The following EMP2 variants were observed in gnomAD, a reference collection of about 807,000 sequenced individuals.
The protein encoded by EMP2 is epithelial membrane protein 2.
A neutral mutation model predicts 13.7 loss-of-function variants in EMP2; 19 were observed. The observed-to-expected ratio is 1.38, with a 90% CI of 0.97 to 2.03. The LOEUF is 2.03. Among genes scored for constraint, EMP2 ranks in the 30% most tolerant of loss-of-function variants. The pLI is 0.00. For missense variants in EMP2, 253 were observed against 220.7 expected (o/e 1.15, Z -0.93); for synonymous variants, 97 against 84.7 (o/e 1.15, Z -0.80).
At position 10,551,860 on chromosome 16, in the gene EMP2, T is replaced by A. The variant is rs8047864; in HGVS notation, c.-60-4183A>T. Reference sequence around the variant, plus strand: ...TCATCCCCATTATCCCCCCACGGAATGGATCAAGGCTCATGGGCTCATACA... The same window carrying A: ...TCATCCCCATTATCCCCCCACGGAAAGGATCAAGGCTCATGGGCTCATACA... On this transcript the variant is annotated intron_variant, in intron 1 of 4. Coordinates refer to ENST00000359543, the MANE Select transcript of EMP2 (RefSeq NM_001424.6). 5.3e-5 allele frequency among the ~76,000 whole-genome samples: 8 copies of A among 152,156 alleles called. No homozygotes were observed. The South Asian group carries it at 1.7e-3, about 32-fold the overall frequency.
chr16:10,534,608 A>G (rs921536790), intron 4 of EMP2, among the ~76,000 whole-genome samples: 23 of 152,086 alleles, frequency 1.5e-4, no homozygotes, highest in African/African-American at 5.5e-4. Flanking sequence ...TCTACTAAAA[A>G]CACAAAAATT....
At chr16:10,551,742 A>G (rs1035579502) in intron 1 of EMP2, among the ~76,000 whole-genome samples, 1 of 152,136 alleles carries the variant, frequency 6.6e-6, no homozygotes, top group Non-Finnish European at 1.5e-5. Flanking sequence ...TTTTTCTGGT[A>G]CCAACTATTC....
chr16:10,550,237 C>T lies in EMP2; in HGVS notation c.-60-2560G>A, dbSNP rs79387326. Among the ~76,000 whole-genome samples, 31 of 152,196 alleles carry T rather than the reference C, an allele frequency of 2.0e-4. No individual in the cohort carries two copies. In the South Asian group the frequency reaches 6.2e-3, roughly 31 times the overall value. On this transcript the variant is annotated intron_variant, in intron 1 of 4. Transcript: ENST00000359543. ...TGATGATCACAATGGAGAAATTTAACGTGATACAATATAACTATCATATCT... is the reference window on the plus strand; with the variant it reads ...TGATGATCACAATGGAGAAATTTAATGTGATACAATATAACTATCATATCT...
At chr16:10,564,282 G>A (rs760474435) in intron 1 of EMP2, among the ~76,000 whole-genome samples, 3 of 152,018 alleles carry the variant, frequency 2.0e-5, no homozygotes, top group Admixed American at 2.0e-4. Context: ...CCTGAGGTCA[G>A]AAGTTCAAGA....
At chr16:10,551,101 C>T (rs1281148909) in intron 1 of EMP2, among the ~76,000 whole-genome samples, 2 of 152,184 alleles carry the variant, frequency 1.3e-5, no homozygotes, top group African/African-American at 4.8e-5. Flanking sequence ...TAGAACGTTT[C>T]ATCACCCCCA....
At position 10,532,809 on chromosome 16, in the gene EMP2, T is replaced by G; in HGVS notation, c.*96A>C. On this transcript the variant is annotated 3_prime_UTR_variant, in exon 5 of 5. Coordinates refer to ENST00000359543, the MANE Select transcript of EMP2 (RefSeq NM_001424.6). ...TTTGGCTTTTAAAGGAAACAATACG[T>G]TTGCTAGAAAAACCTCAAAAAATAA... The G allele has an allele frequency of 2.2e-6, 1 of 458,924 alleles. No individual in the cohort carries two copies. The highest frequency in any genetic ancestry group is 5.4e-5 in the Admixed American group (1 of 18,652). 28.4% of individuals were successfully genotyped at this position (458,924 alleles called of 1,614,324 possible).
At chr16:10,540,854 G>C (rs186473481) in intron 3 of EMP2, among the ~76,000 whole-genome samples, 2 of 152,302 alleles carry the variant, frequency 1.3e-5, no homozygotes, top group Admixed American at 1.3e-4. Context: ...CACAGTGGGT[G>C]AAGTGGGAGA....
chr16:10,576,652 C>T (rs904478113), intron 1 of EMP2: 8 of 152,062 alleles, frequency 5.3e-5, no homozygotes, highest in African/African-American at 7.2e-5. Flanking sequence ...GAGCAGGAAC[C>T]GGAGAAGTCT....
intron 1 of EMP2, among the ~76,000 whole-genome samples, chr16:10,574,237 C>A (rs1377890309): frequency 6.6e-6 from 1 of 152,060 alleles, no homozygotes; most frequent in Admixed American, 6.6e-5. Flanking sequence ...TGCGCCCGGC[C>A]CCTTGTTCTT....
At position 10,532,851 on chromosome 16, in the gene EMP2, G is replaced by A. The variant is rs1479322820; in HGVS notation, c.*54C>T. The A allele has an allele frequency of 4.7e-6, 5 of 1,074,476 alleles. No individual in the cohort carries two copies. Among genetic ancestry groups the A allele is most frequent in the Non-Finnish European group, 4.6e-6 (4 of 870,290 alleles). 66.6% of individuals were successfully genotyped at this position (1,074,476 alleles called of 1,614,324 possible). A position where few individuals can be genotyped will look rare whatever the true frequency, so the allele number is the denominator to read the frequency against. ...AAAAAATAATGATTATATACAAAAT[G>A]GTTATCTGAATGTGGATTCTGTACT... is the stretch of plus-strand genomic sequence containing the variant. On this transcript the variant is annotated 3_prime_UTR_variant, in exon 5 of 5. Transcript: ENST00000359543.
intron 4 of EMP2, among the ~76,000 whole-genome samples, chr16:10,537,180 C>A (rs983022483): frequency 6.6e-6 from 1 of 152,224 alleles, no homozygotes; most frequent in Non-Finnish European, 1.5e-5. Context: ...ATTTTGTCAT[C>A]AGAAAGCTTT....
chr16:10,535,103 T>G lies in EMP2; in HGVS notation c.317-2011A>C, dbSNP rs1390921531. On this transcript the variant is annotated intron_variant, in intron 4 of 4. Transcript: ENST00000359543. ...CTGGTTTTTCAGCTTTTCCTTTGAT[T>G]CTTGCAGGCTACCCCCAGAATCCCA... Among the ~76,000 whole-genome samples the G allele has an allele frequency of 4.6e-5, 7 of 152,158 alleles. No individual in the cohort carries two copies. In the East Asian group the frequency reaches 1.2e-3, roughly 25 times the overall value.
chr16:10,542,322 C>T (rs987605560), intron 3 of EMP2, among the ~76,000 whole-genome samples: 4 of 151,946 alleles, frequency 2.6e-5, no homozygotes, highest in Non-Finnish European at 2.9e-5. Context: ...CACTTGAGCC[C>T]GGGAGGTCAA....
intron 1 of EMP2, chr16:10,577,897 C>T (rs1277614263): frequency 6.6e-6 from 1 of 152,342 alleles, no homozygotes; most frequent in Non-Finnish European, 1.5e-5. Flanking sequence ...TAGCCCGCGT[C>T]AGAGTCCCCA....
At chr16:10,547,432 T>C (rs1184267235) in intron 2 of EMP2, 108 bp downstream of exon 2, 1 of 1,167,980 alleles carries the variant, frequency 8.6e-7, no homozygotes, top group Non-Finnish European at 1.2e-6. Context: ...ATAAATTACC[T>C]AGTCTCTGGT....
chr16:10,541,034 G>A (rs2050693133), intron 3 of EMP2, among the ~76,000 whole-genome samples: 1 of 152,086 alleles, frequency 6.6e-6, no homozygotes, highest in South Asian at 2.1e-4. Flanking sequence ...GTTACAGTGA[G>A]CTGTGATTGC....
intron 1 of EMP2, among the ~76,000 whole-genome samples, chr16:10,567,445 T>C (rs749026302): frequency 2.0e-5 from 3 of 152,206 alleles, no homozygotes; most frequent in Non-Finnish European, 4.4e-5. Flanking sequence ...TGGCTCATGA[T>C]CTGCTTGCAA....
intron 1 of EMP2, among the ~76,000 whole-genome samples, chr16:10,560,803 C>T (rs960268242): frequency 6.6e-6 from 1 of 151,990 alleles, no homozygotes; most frequent in African/African-American, 2.4e-5. Flanking sequence ...GTTCGGGACG[C>T]CCCACAGTGC....
At chr16:10,573,473 T>C (rs4780950) in intron 1 of EMP2, among the ~76,000 whole-genome samples, 143,381 of 152,256 alleles carry the variant, frequency 0.94, 67,612 homozygotes, top group East Asian at 1. Context: ...ACACTGGTCA[T>C]CATTTCCTTG....
Sources: gnomAD v4.1 joint callset for allele counts (sites outside exome capture counted in the v4.1 genomes callset) on GRCh38, gnomAD v4.1.1 for gene constraint, MANE v1.5 for transcripts, NCBI Gene and HGNC (gene_info 2026-07-23, HGNC 2026-07-21) for gene names.